DBN1: variants seen among roughly 807,000 people sequenced by gnomAD.
The protein encoded by DBN1 is drebrin 1.
Under a neutral mutation model 83.5 loss-of-function variants are expected in DBN1, and 21 were observed. That is an observed-to-expected ratio of 0.25 (90% confidence interval 0.18 to 0.36). The LOEUF is 0.36. Ranked by LOEUF, DBN1 falls within the 10% of genes least tolerant of loss-of-function variation. DBN1 has a pLI of 1.00. For synonymous variants in DBN1, 381 were observed against 384.9 expected (o/e 0.99, Z 0.12); for missense variants, 874 against 935.7 (o/e 0.93, Z 0.86).
At chr5:177,459,065 G>A (rs769703884) in intron 12 of DBN1, 33 bp downstream of exon 12, 2 of 1,570,986 alleles carry the variant, frequency 1.3e-6, no homozygotes, top group South Asian at 1.2e-5. Flanking sequence ...ACTGATGATG[G>A]GAGGCCTGGT....
chr5:177,458,424 G>T lies in DBN1; in HGVS notation c.1548C>A (p.Pro516=), dbSNP rs374007032. 9.9e-6 allele frequency: 16 copies of T among 1,614,172 alleles called. No homozygotes were observed. The highest frequency in any genetic ancestry group is 1.6e-4 in the Middle Eastern group (1 of 6,062). The change falls in exon 13 of 15, where the codon CCC becomes CCA. Residue 516 remains proline, a synonymous_variant. Transcript: ENST00000393565. ...ADTTVANNVP[P]AATSLIDLWP... ...ATAGGTCAATGAGGCTGGTGGCGGCGGGGGGTACGTTGTTGGCAACAGTGG... is the reference window on the plus strand; with the variant it reads ...ATAGGTCAATGAGGCTGGTGGCGGCTGGGGGTACGTTGTTGGCAACAGTGG...
chr5:177,468,915 G>A lies in DBN1; in HGVS notation c.87-16C>T, dbSNP rs781769178. On this transcript the variant is annotated splice_polypyrimidine_tract_variant and intron_variant, in intron 1 of 14. Transcript: ENST00000393565. Reference sequence around the variant, plus strand: ...GTACAGAGCCCTGGGGAGAGGGAGGGGTGGCTGTCAAACTGTCAGGGCCCA... The same window carrying A: ...GTACAGAGCCCTGGGGAGAGGGAGGAGTGGCTGTCAAACTGTCAGGGCCCA... 4.6e-6 allele frequency: 6 copies of A among 1,312,914 alleles called. No homozygotes were observed. Among genetic ancestry groups the A allele is most frequent in the Admixed American group, 6.1e-5 (2 of 32,756 alleles). 81.3% of individuals were successfully genotyped at this position (1,312,914 alleles called of 1,614,324 possible).
At position 177,473,558 on chromosome 5, in the gene DBN1, G is replaced by A; in HGVS notation, c.-37C>T. 7.6e-7 allele frequency: 1 copy of A among 1,313,710 alleles called. No homozygotes were observed. The highest frequency in any genetic ancestry group is 3.2e-5 in the East Asian group (1 of 31,398). 81.4% of individuals were successfully genotyped at this position (1,313,710 alleles called of 1,614,324 possible). On this transcript the variant is annotated 5_prime_UTR_variant, in exon 1 of 15. Transcript: ENST00000393565. ...GACCGGGCCGAACGGACAGACGCGC[G>A]GACGGACGGGCGGACGGAGGAGGAG...
chr5:177,471,541 G>A (rs535311018), intron 1 of DBN1, among the ~76,000 whole-genome samples: 2 of 152,136 alleles, frequency 1.3e-5, no homozygotes, highest in East Asian at 1.9e-4. Context: ...CTATGTGCAG[G>A]GTCTGCCTCT....
At chr5:177,468,064 C>CCCGT in intron 3 of DBN1, 44 bp downstream of exon 3, 1 of 852,364 alleles carries the variant, frequency 1.2e-6, no homozygotes, top group Non-Finnish European at 2.0e-6. Flanking sequence ...AGTTGATGAG[C>CCCGT]AGCTCTGGGC....
chr5:177,457,522 AGAG>A lies in DBN1; in HGVS notation c.2018-22_2018-20del. 1 of 1,612,640 alleles carries A rather than the reference AGAG, an allele frequency of 6.2e-7. No individual in the cohort carries two copies. The highest frequency in any genetic ancestry group is 8.5e-7 in the Non-Finnish European group (1 of 1,178,696). On this transcript the variant is annotated intron_variant, in intron 14 of 14. Coordinates refer to ENST00000393565, the MANE Select transcript of DBN1 (RefSeq NM_001363541.2). ...TCGATCTCTGTGGCGTTAGAAAGGGAGAGGAGTTAGGGACCTAGCAGACCGCTT... is the reference window on the plus strand; with the variant it reads ...TCGATCTCTGTGGCGTTAGAAAGGGAGAGTTAGGGACCTAGCAGACCGCTT...
At position 177,473,562 on chromosome 5, in the gene DBN1, G is replaced by A. The variant is rs1057119768; in HGVS notation, c.-41C>T. 3.9e-6 allele frequency: 5 copies of A among 1,292,488 alleles called. No homozygotes were observed. Among genetic ancestry groups the A allele is most frequent in the South Asian group, 1.9e-5 (1 of 52,146 alleles). 80.1% of individuals were successfully genotyped at this position (1,292,488 alleles called of 1,614,324 possible). A position where few individuals can be genotyped will look rare whatever the true frequency, so the allele number is the denominator to read the frequency against. ...GGGCCGAACGGACAGACGCGCGGACGGACGGGCGGACGGAGGAGGAGGGAG... is the reference window on the plus strand; with the variant it reads ...GGGCCGAACGGACAGACGCGCGGACAGACGGGCGGACGGAGGAGGAGGGAG... On this transcript the variant is annotated 5_prime_UTR_variant, in exon 1 of 15. Coordinates refer to ENST00000393565, the MANE Select transcript of DBN1 (RefSeq NM_001363541.2).
rs558129370 is a variant in DBN1, at chr5:177,463,342, C to T, written c.772-2639G>A. Among the ~76,000 whole-genome samples the T allele has an allele frequency of 9.1e-4, 139 of 152,296 alleles. 1 individual carries two copies. The highest frequency in any genetic ancestry group is 3.1e-3 in the African/African-American group (130 of 41,576). ...ATGAGCCACTGAGCCCAGCCCTCCA[C>T]AAAGGCTTTAATAAACTACCAACCA... On this transcript the variant is annotated intron_variant, in intron 8 of 14. Coordinates refer to ENST00000393565, the MANE Select transcript of DBN1 (RefSeq NM_001363541.2).
chr5:177,472,285 C>T, intron 1 of DBN1: 1 of 1,595,410 alleles, frequency 6.3e-7, no homozygotes, highest in South Asian at 1.1e-5. Context: ...GTGAGGCCAG[C>T]CCAAGCGGGG....
rs762104363 is a variant in DBN1, at chr5:177,468,237, A to T, written c.143-17T>A. ...AGCCCCCTTCTAGGGTAATCAGGAG[A>T]GTGTCAGGTCTCTCTGCCTCCTAAA... On this transcript the variant is annotated splice_polypyrimidine_tract_variant and intron_variant, in intron 2 of 14. Coordinates refer to ENST00000393565, the MANE Select transcript of DBN1 (RefSeq NM_001363541.2). The T allele has an allele frequency of 6.2e-6, 10 of 1,605,384 alleles. No individual in the cohort carries two copies. Among genetic ancestry groups the T allele is most frequent in the Admixed American group, 1.7e-5 (1 of 59,996 alleles).
At chr5:177,462,360 G>A (rs1417505221) in intron 8 of DBN1, 1 of 985,544 alleles carries the variant, frequency 1.0e-6, no homozygotes, top group Non-Finnish European at 1.2e-6. Flanking sequence ...CCACCCGGGG[G>A]CCAGGCCCTC....
In DBN1 at chr5:177,458,099, G is replaced by A. The variant is rs752981934; in HGVS notation, c.1873C>T (p.Leu625=). The change falls in exon 13 of 15, where the codon CTG becomes TTG. Residue 625 remains leucine, a synonymous_variant. Transcript: ENST00000393565. ...LEQEQEPEPH[L]LTNGETTQKE... ...TGGGTGGTCTCGCCATTGGTTAGCA[G>A]GTGGGGCTCCGGCTCCTGCTCTTGC... is the stretch of plus-strand genomic sequence containing the variant. 8.1e-6 allele frequency: 13 copies of A among 1,613,806 alleles called. No individual in the cohort carries two copies. The East Asian group carries it at 2.9e-4, about 36-fold the overall frequency.
At chr5:177,465,418 G>A (rs1752638675) in intron 8 of DBN1, among the ~76,000 whole-genome samples, 1 of 152,240 alleles carries the variant, frequency 6.6e-6, no homozygotes, top group African/African-American at 2.4e-5. Context: ...TCGTTGCCAG[G>A]AGCTGGCGAG....
rs757594242 is a variant in DBN1, at chr5:177,466,339, G to T, written c.771+433C>A. ...TCAGACAGTACCCCTGGAACAAAGG[G>T]GCTGCTCCCAGGGAGATGCTGCTCC... On this transcript the variant is annotated intron_variant, in intron 8 of 14. Coordinates refer to ENST00000393565, the MANE Select transcript of DBN1 (RefSeq NM_001363541.2). The surrounding 1 kb of genome is among the most constrained non-coding windows in gnomAD (Gnocchi z 4.8). Among the ~76,000 whole-genome samples, 23 of 152,326 alleles carry T rather than the reference G, an allele frequency of 1.5e-4. No homozygotes were observed. The highest frequency in any genetic ancestry group is 2.6e-4 in the Non-Finnish European group (18 of 68,024).
At chr5:177,473,397 C>A in intron 1 of DBN1, 39 bp downstream of exon 1, 5 of 1,199,128 alleles carry the variant, frequency 4.2e-6, no homozygotes, top group East Asian at 3.2e-5. Flanking sequence ...GGCGGCGGCG[C>A]GGGGACAAAG....
intron 8 of DBN1, among the ~76,000 whole-genome samples, chr5:177,461,094 CTTTTT>C (rs1212164434): frequency 1.4e-4 from 13 of 90,690 alleles, no homozygotes; most frequent in South Asian, 7.9e-4. Context: ...TTCTGGCCTT[CTTTTT>C]TTTTTTTTTT....
rs759150690 is a variant in DBN1, at chr5:177,460,459, C to A, written c.928G>T (p.Val310Leu). The A allele has an allele frequency of 1.3e-4, 216 of 1,613,988 alleles. No homozygotes were observed. Among genetic ancestry groups the A allele is most frequent in the Non-Finnish European group, 1.7e-4 (206 of 1,180,002 alleles). Reference protein sequence around the residue: ...VASASAGSCDVPSPFNHRPGR... With the variant: ...VASASAGSCDLPSPFNHRPGR... ...GGTCGATGGTTGAAGGGCGAGGGTA[C>A]ATCACAGCTGCCCGCAGAGGCCGAT... The change falls in exon 10 of 15, where the codon GTA (valine) becomes TTA (leucine). Residue 310 changes from valine (V) to leucine (L), a missense_variant. Physicochemically the swap from Val to Leu is conservative, Grantham distance 32. This residue lies in a region of DBN1 where 725 missense variants were observed against 719.7 expected (regional missense o/e 1.01). Coordinates refer to ENST00000393565, the MANE Select transcript of DBN1 (RefSeq NM_001363541.2).
At chr5:177,462,551 A>T in intron 8 of DBN1, 1 of 317,856 alleles carries the variant, frequency 3.1e-6, no homozygotes, top group Non-Finnish European at 4.6e-6. Context: ...GCAACGCAGG[A>T]TGAGGACCGG....
At chr5:177,459,860 GC>G in intron 10 of DBN1, 120 bp from the exon 11 acceptor site, 2 of 1,169,076 alleles carry the variant, frequency 1.7e-6, no homozygotes, top group African/African-American at 1.6e-5. Context: ...GCTGCCTTCA[GC>G]CAGGGGCACA....
Sources: gnomAD v4.1 joint callset for allele counts (sites outside exome capture counted in the v4.1 genomes callset) on GRCh38, gnomAD v4.1.1 for gene constraint, gnomAD v4.1.1 regional missense constraint, Gnocchi (gnomAD v3.1) non-coding constraint, MANE v1.5 for transcripts, NCBI Gene and HGNC (gene_info 2026-07-23, HGNC 2026-07-21) for gene names.